The following ARMC9 variants were observed in gnomAD, a reference collection of about 807,000 sequenced individuals.
The protein encoded by ARMC9 is lisH domain-containing protein ARMC9.
A neutral mutation model predicts 107.0 loss-of-function variants in ARMC9; 94 were observed. That is an observed-to-expected ratio of 0.88 (90% CI 0.74 to 1.04). The LOEUF (loss-of-function observed/expected upper bound fraction) is 1.04. ARMC9 is among the 50% of genes least tolerant of loss of function. The pLI is 0.00. For missense variants in ARMC9, 942 were observed against 1,030.1 expected (o/e 0.91, Z 1.17); for synonymous variants, 380 against 396.9 (o/e 0.96, Z 0.51).
At chr2:231,198,787 T>A (rs1287854777) in intron 1 of ARMC9, 89 bp downstream of exon 1, 1 of 152,332 alleles carries the variant, frequency 6.6e-6, no homozygotes, top group Non-Finnish European at 1.5e-5. Flanking sequence ...GGGCCGAGGC[T>A]CTGCGGACCT....
chr2:231,265,574 C>T (rs1206853422), intron 12 of ARMC9, among the ~76,000 whole-genome samples: 1 of 152,054 alleles, frequency 6.6e-6, no homozygotes, highest in Non-Finnish European at 1.5e-5. Context: ...TTATAATGGA[C>T]CTTGCACAGG....
intron 19 of ARMC9, among the ~76,000 whole-genome samples, chr2:231,318,523 GT>G (rs1056393665): frequency 9.9e-5 from 15 of 152,130 alleles, no homozygotes; most frequent in African/African-American, 3.6e-4. Context: ...GCTTCCAGCT[GT>G]CCCCCTTCAA....
intron 5 of ARMC9, among the ~76,000 whole-genome samples, chr2:231,221,928 G>A (rs1181999470): frequency 6.6e-6 from 1 of 151,938 alleles, no homozygotes; most frequent in Non-Finnish European, 1.5e-5. Flanking sequence ...GGGGTGGGAG[G>A]CATGGAGGAG....
At chr2:231,366,169 T>C (rs891898900) in intron 23 of ARMC9, among the ~76,000 whole-genome samples, 1 of 152,156 alleles carries the variant, frequency 6.6e-6, no homozygotes, top group Non-Finnish European at 1.5e-5. Flanking sequence ...GCCGTTCAAG[T>C]CCAAAGGCCA....
intron 17 of ARMC9, among the ~76,000 whole-genome samples, chr2:231,284,993 T>C (rs980531884): frequency 2.0e-5 from 3 of 151,866 alleles, no homozygotes; most frequent in Admixed American, 2.0e-4. Flanking sequence ...AGGTCAGGAG[T>C]TTGAGACCAG....
chr2:231,252,691 C>T (rs1574807875), intron 9 of ARMC9, among the ~76,000 whole-genome samples: 2 of 152,108 alleles, frequency 1.3e-5, no homozygotes, highest in East Asian at 3.8e-4. Context: ...GGCTGGAGTG[C>T]AATGGTGTGA....
intron 23 of ARMC9, among the ~76,000 whole-genome samples, chr2:231,365,902 G>A (rs1292442382): frequency 1.3e-5 from 2 of 152,146 alleles, no homozygotes; most frequent in Non-Finnish European, 2.9e-5. Flanking sequence ...GGGTTCAAGC[G>A]ATTCTCCTGC....
chr2:231,269,160 A>C (rs1394512101), intron 12 of ARMC9, among the ~76,000 whole-genome samples: 3 of 152,132 alleles, frequency 2.0e-5, no homozygotes, highest in Non-Finnish European at 2.9e-5. Flanking sequence ...GAATCTTCCC[A>C]ATTTCCCATT....
At chr2:231,241,206 A>C (rs1343880030) in intron 9 of ARMC9, among the ~76,000 whole-genome samples, 1 of 151,990 alleles carries the variant, frequency 6.6e-6, no homozygotes, top group Non-Finnish European at 1.5e-5. Context: ...CTCAAAAAAA[A>C]AAAAAAAAAA....
intron 3 of ARMC9, among the ~76,000 whole-genome samples, chr2:231,209,442 T>C (rs1289037703): frequency 6.6e-6 from 1 of 152,246 alleles, no homozygotes; most frequent in Non-Finnish European, 1.5e-5. Context: ...ATTTGTAATA[T>C]GCCAGGTAAG....
intron 19 of ARMC9, among the ~76,000 whole-genome samples, chr2:231,327,060 A>AGTAAGTT (rs2043373143): frequency 6.6e-6 from 1 of 152,086 alleles, no homozygotes; most frequent in Non-Finnish European, 1.5e-5. Context: ...CTCCATAGCC[A>AGTAAGTT]GCAGCTTCCC....
intron 20 of ARMC9, among the ~76,000 whole-genome samples, chr2:231,338,488 A>G (rs542840612): frequency 6.6e-6 from 1 of 151,202 alleles, no homozygotes; most frequent in East Asian, 1.9e-4. Flanking sequence ...CAGCCTCTCA[A>G]AGTGTTGGGA....
chr2:231,265,606 C>T (rs1267266243), intron 12 of ARMC9, among the ~76,000 whole-genome samples: 4 of 151,988 alleles, frequency 2.6e-5, no homozygotes, highest in Non-Finnish European at 1.5e-5. Flanking sequence ...ACTGTATCCA[C>T]TGGGTGCACT....
In ARMC9 at chr2:231,208,227, G is replaced by C; in HGVS notation, c.152G>C (p.Arg51Thr). Residue 51 changes from arginine (R) to threonine (T), a missense_variant, in exon 3 of 25, where the codon AGA becomes ACA. Arg to Thr is a moderately conservative substitution (Grantham distance 71, BLOSUM62 -1). Coordinates refer to ENST00000611582, the MANE Select transcript of ARMC9 (RefSeq NM_001352754.2). ...TGTAAAACAGTAGGCGGATCTTTCA[G>C]AGACTCCAAATCATTGACAATTCAG... is the stretch of plus-strand genomic sequence containing the variant. ...PLCKTVGGSF[R>T]DSKSLTIQKD... 4 of 1,609,806 alleles carry C rather than the reference G, an allele frequency of 2.5e-6. No individual in the cohort carries two copies. Among genetic ancestry groups the C allele is most frequent in the Non-Finnish European group, 3.4e-6 (4 of 1,178,342 alleles).
At chr2:231,233,682 A>G (rs992953342) in intron 7 of ARMC9, among the ~76,000 whole-genome samples, 1 of 152,106 alleles carries the variant, frequency 6.6e-6, no homozygotes, top group African/African-American at 2.4e-5. Flanking sequence ...AAGCTGAGTC[A>G]GGGGAATCGC....
At chr2:231,350,256 C>A (rs551809705) in intron 21 of ARMC9, among the ~76,000 whole-genome samples, 1 of 151,970 alleles carries the variant, frequency 6.6e-6, no homozygotes, top group East Asian at 1.9e-4. Flanking sequence ...GAACTCCTTA[C>A]CTCAGGCGAT....
At chr2:231,209,973 TG>T (rs1422233658) in intron 3 of ARMC9, among the ~76,000 whole-genome samples, 2 of 152,250 alleles carry the variant, frequency 1.3e-5, no homozygotes, top group Middle Eastern at 3.2e-3. Context: ...CATGAGCCAC[TG>T]CACCTGGCCT....
chr2:231,315,824 T>A (rs1008267440), intron 19 of ARMC9, among the ~76,000 whole-genome samples: 1 of 152,260 alleles, frequency 6.6e-6, no homozygotes. Context: ...CCTTCCTGCC[T>A]TCTTTTGTAT....
intron 9 of ARMC9, among the ~76,000 whole-genome samples, chr2:231,244,181 TAAC>T (rs1326879458): frequency 2.0e-5 from 3 of 152,156 alleles, no homozygotes; most frequent in Non-Finnish European, 4.4e-5. Flanking sequence ...ATCTGGCAGT[TAAC>T]AAGAATCTGG....
Sources: gnomAD v4.1 joint callset for allele counts (sites outside exome capture counted in the v4.1 genomes callset) on GRCh38, gnomAD v4.1.1 for gene constraint, MANE v1.5 for transcripts, NCBI Gene and HGNC (gene_info 2026-07-23, HGNC 2026-07-21) for gene names.